The following DENND1B variants were observed in gnomAD, a reference collection of about 807,000 sequenced individuals.
DENND1B encodes DENN domain-containing protein 1B.
DENND1B carries 59 observed loss-of-function variants against 90.1 expected under a neutral mutation model. The observed-to-expected ratio is 0.65, with a 90% CI of 0.53 to 0.81. DENND1B has a LOEUF of 0.81. Ranked by LOEUF, DENND1B falls within the 40% of genes least tolerant of loss-of-function variation. DENND1B has a pLI of 0.00. For synonymous variants in DENND1B, 337 were observed against 324.6 expected (o/e 1.04, Z -0.41); for missense variants, 862 against 912.6 (o/e 0.94, Z 0.71).
At chr1:197,615,900 A>G (rs1263756909) in intron 11 of DENND1B, among the ~76,000 whole-genome samples, 3 of 150,974 alleles carry the variant, frequency 2.0e-5, no homozygotes, top group African/African-American at 7.3e-5. Flanking sequence ...CACTAGAAAG[A>G]AAATTCCAGG....
intron 2 of DENND1B, among the ~76,000 whole-genome samples, chr1:197,726,021 T>C (rs1469580385): frequency 6.6e-6 from 1 of 151,916 alleles, no homozygotes; most frequent in Non-Finnish European, 1.5e-5. Flanking sequence ...CACACACATA[T>C]ATATACACAC....
At chr1:197,522,080 T>A (rs1198746027) in intron 20 of DENND1B, among the ~76,000 whole-genome samples, 1 of 152,062 alleles carries the variant, frequency 6.6e-6, no homozygotes, top group Non-Finnish European at 1.5e-5. Flanking sequence ...AGGCTAGCTC[T>A]AAAAATGGCA....
At chr1:197,698,681 AGAAG>A (rs1485898400) in intron 3 of DENND1B, among the ~76,000 whole-genome samples, 3 of 152,136 alleles carry the variant, frequency 2.0e-5, no homozygotes, top group African/African-American at 7.2e-5. Context: ...AGACTAATAA[AGAAG>A]GGAGAAGAAT....
At chr1:197,565,585 C>T (rs1672571975) in intron 15 of DENND1B, among the ~76,000 whole-genome samples, 1 of 150,842 alleles carries the variant, frequency 6.6e-6, no homozygotes, top group Non-Finnish European at 1.5e-5. Flanking sequence ...GTGTGCTGCA[C>T]CCATTAACTC....
At chr1:197,762,008 A>T (rs1655116604) in intron 2 of DENND1B, 1 of 151,976 alleles carries the variant, frequency 6.6e-6, no homozygotes, top group African/African-American at 2.4e-5. Flanking sequence ...TTTTTTTAAG[A>T]TTTAAGAAAT....
intron 7 of DENND1B, among the ~76,000 whole-genome samples, chr1:197,647,585 T>C (rs1457805702): frequency 2.0e-5 from 3 of 152,212 alleles, no homozygotes; most frequent in African/African-American, 7.2e-5. Context: ...AGGAGTCTGT[T>C]ATTGAAATCA....
intron 20 of DENND1B, among the ~76,000 whole-genome samples, chr1:197,534,904 C>T (rs1359130517): frequency 2.6e-5 from 4 of 152,062 alleles, no homozygotes; most frequent in African/African-American, 4.8e-5. Flanking sequence ...AATCATCATG[C>T]GACAGTATGC....
At chr1:197,539,815 C>T (rs1670198297) in intron 20 of DENND1B, 149 bp downstream of exon 20, 1 of 631,472 alleles carries the variant, frequency 1.6e-6, no homozygotes, top group South Asian at 2.0e-5. Context: ...TTGTAGCCTT[C>T]CCAGGTTCCA....
At chr1:197,770,673 TA>T (rs995504809) in intron 2 of DENND1B, among the ~76,000 whole-genome samples, 4 of 144,576 alleles carry the variant, frequency 2.8e-5, no homozygotes, top group Non-Finnish European at 6.0e-5. Context: ...TATATATCTA[TA>T]AATATACATA....
intron 11 of DENND1B, among the ~76,000 whole-genome samples, chr1:197,616,013 A>G (rs1677615386): frequency 6.6e-6 from 1 of 151,102 alleles, no homozygotes; most frequent in African/African-American, 2.4e-5. Flanking sequence ...CCTGTGTCAT[A>G]TAATAATTTC....
intron 16 of DENND1B, chr1:197,552,688 G>C (rs1671338994): frequency 9.4e-7 from 1 of 1,062,584 alleles, no homozygotes; most frequent in Middle Eastern, 4.2e-4. Flanking sequence ...ACCATCACTA[G>C]TAGTTTTCTA....
chr1:197,600,692 G>T (rs1676126234), intron 13 of DENND1B, among the ~76,000 whole-genome samples: 1 of 151,470 alleles, frequency 6.6e-6, no homozygotes, highest in African/African-American at 2.4e-5. Context: ...CAGTATAAAG[G>T]ATAATAAACA....
rs1210013666 is a variant in DENND1B at position 197,672,110 on chromosome 1, C to T, written c.223G>A (p.Asp75Asn). Residue 75 changes from aspartate to asparagine, a missense_variant, in exon 5 of 23, where the codon GAC becomes AAC. Asp to Asn is a conservative substitution (Grantham distance 23). Transcript: ENST00000620048. ...CCAAATCTCTGTTTACTTTCAATGTCTGTCAGTACAAAGGTAAAGTGCTGT... is the reference window on the plus strand; with the variant it reads ...CCAAATCTCTGTTTACTTTCAATGTTTGTCAGTACAAAGGTAAAGTGCTGT... ...VGQHFTFVLT[D>N]IESKQRFGFC... 1 of 1,612,708 alleles carries T rather than the reference C, an allele frequency of 6.2e-7. No homozygotes were observed. Among genetic ancestry groups the T allele is most frequent in the Non-Finnish European group, 8.5e-7 (1 of 1,179,176 alleles).
chr1:197,607,005 A>T, intron 13 of DENND1B, 68 bp downstream of exon 13: 2 of 1,186,652 alleles, frequency 1.7e-6, no homozygotes, highest in Admixed American at 3.9e-5. Flanking sequence ...AGTGGGAAAA[A>T]TAACTTAGTA....
At chr1:197,562,843 G>A (rs750545328) in intron 15 of DENND1B, among the ~76,000 whole-genome samples, 14 of 151,978 alleles carry the variant, frequency 9.2e-5, no homozygotes, top group Non-Finnish European at 1.8e-4. Flanking sequence ...GAAATGGAAA[G>A]TGCTACTGCA....
intron 15 of DENND1B, among the ~76,000 whole-genome samples, chr1:197,569,475 T>C (rs1672964294): frequency 6.6e-6 from 1 of 152,032 alleles, no homozygotes; most frequent in Non-Finnish European, 1.5e-5. Context: ...CTGCATTACA[T>C]GTTCAATACA....
At chr1:197,764,143 G>A (rs1655422631) in intron 2 of DENND1B, among the ~76,000 whole-genome samples, 1 of 152,130 alleles carries the variant, frequency 6.6e-6, no homozygotes, top group Admixed American at 6.5e-5. Context: ...ATTGTTAAGA[G>A]CTCAGGCTCT....
upstream of DENND1B, among the ~76,000 whole-genome samples, chr1:197,776,905 G>A (rs1028621075): frequency 2.6e-5 from 4 of 152,072 alleles, no homozygotes; most frequent in East Asian, 1.9e-4. Context: ...TCCTACATTT[G>A]TAAAATGGGA....
At chr1:197,749,660 T>C (rs1364288553) in intron 2 of DENND1B, among the ~76,000 whole-genome samples, 1 of 152,062 alleles carries the variant, frequency 6.6e-6, no homozygotes, top group African/African-American at 2.4e-5. Context: ...TGAGGCCAGA[T>C]CATACTTCAA....
Sources: gnomAD v4.1 joint callset for allele counts (sites outside exome capture counted in the v4.1 genomes callset) on GRCh38, gnomAD v4.1.1 for gene constraint, MANE v1.5 for transcripts, NCBI Gene and HGNC (gene_info 2026-07-23, HGNC 2026-07-21) for gene names.